The following IL1R1 variants were observed in gnomAD, a reference collection of about 807,000 sequenced individuals.
IL1R1 encodes interleukin-1 receptor type 1.
In IL1R1, 22 loss-of-function variants were observed where a neutral mutation model predicts 50.2. That is an observed-to-expected ratio of 0.44 (90% CI 0.31 to 0.63). The LOEUF (loss-of-function observed/expected upper bound fraction) is 0.63, where lower values mean the gene tolerates loss of function less well. Ranked by LOEUF, IL1R1 falls within the 20% of genes least tolerant of loss-of-function variation. The pLI is 0.07. For synonymous variants in IL1R1, 251 were observed against 236.7 expected, an observed-to-expected ratio of 1.06 and a Z score of -0.55; for missense variants, 509 against 676.2, an observed-to-expected ratio of 0.75 and a Z score of 2.74.
chr2:102,112,886 G>T (rs904740202), intron 1 of IL1R1, among the ~76,000 whole-genome samples: 1 of 152,158 alleles, frequency 6.6e-6, no homozygotes, highest in East Asian at 1.9e-4. Context: ...AGGTCATGAG[G>T]GTGGAGCCCT....
intron 1 of IL1R1, among the ~76,000 whole-genome samples, chr2:102,151,665 G>A (rs927699991): frequency 5.3e-5 from 8 of 152,334 alleles, no homozygotes; most frequent in East Asian, 3.9e-4. Context: ...AAGGCACCTC[G>A]GTGCATTGCA....
chr2:102,162,372 A>T (rs1312665644), intron 3 of IL1R1, among the ~76,000 whole-genome samples: 1 of 152,060 alleles, frequency 6.6e-6, no homozygotes, highest in Non-Finnish European at 1.5e-5. Context: ...TTTCAATGAG[A>T]GTGTTTAGAC....
chr2:102,164,821 A>T lies in IL1R1; in HGVS notation c.109A>T (p.Asn37Tyr). 1 of 1,614,088 alleles carries T rather than the reference A, an allele frequency of 6.2e-7. No individual in the cohort carries two copies. The highest frequency in any genetic ancestry group is 8.5e-7 in the Non-Finnish European group (1 of 1,179,982). Residue 37 changes from asparagine to tyrosine, a missense_variant, in exon 4 of 12, where the codon AAT becomes TAT. By Grantham distance (143) the Asn-to-Tyr change is moderately radical (BLOSUM62 -2). Coordinates refer to ENST00000410023, the MANE Select transcript of IL1R1 (RefSeq NM_000877.4). ...EEKIILVSSA[N>Y]EIDVRPCPLN... ...AAAAATAATTTTAGTGTCATCTGCAAATGAAATTGATGTTCGTCCCTGTCC... is the reference window on the plus strand; with the variant it reads ...AAAAATAATTTTAGTGTCATCTGCATATGAAATTGATGTTCGTCCCTGTCC...
intron 1 of IL1R1, among the ~76,000 whole-genome samples, chr2:102,112,507 A>T (rs886726092): frequency 6.6e-6 from 1 of 152,120 alleles, no homozygotes; most frequent in East Asian, 1.9e-4. Context: ...CTCCCAGTCC[A>T]GGGAAAGGAG....
intron 1 of IL1R1, among the ~76,000 whole-genome samples, chr2:102,111,414 T>G (rs754079196): frequency 7.0e-4 from 106 of 152,146 alleles, no homozygotes; most frequent in Non-Finnish European, 1.3e-3. Flanking sequence ...GTGGAGACAT[T>G]TTACAAAAAT....
chr2:102,078,241 A>G (rs1008517704), intron 1 of IL1R1, among the ~76,000 whole-genome samples: 2 of 151,956 alleles, frequency 1.3e-5, no homozygotes, highest in African/African-American at 4.8e-5. Context: ...TGGGGAATAG[A>G]AAAAAATAGA....
chr2:102,123,588 C>T (rs571548861), intron 1 of IL1R1, among the ~76,000 whole-genome samples: 1 of 152,152 alleles, frequency 6.6e-6, no homozygotes, highest in South Asian at 2.1e-4. Flanking sequence ...CCAGCCTGGC[C>T]AACATGGCGA....
At chr2:102,133,243 C>CA (rs70946673) in intron 1 of IL1R1, among the ~76,000 whole-genome samples, 21,956 of 116,792 alleles carry the variant, frequency 0.19, 3,214 homozygotes, top group African/African-American at 0.41. Flanking sequence ...GACTCTGTCT[C>CA]AAAAAAAAAA....
intron 1 of IL1R1, among the ~76,000 whole-genome samples, chr2:102,096,931 G>T (rs1679930665): frequency 6.7e-6 from 1 of 148,240 alleles, no homozygotes. Context: ...TGTTTCCTCA[G>T]CATATGCTTT....
upstream of IL1R1, among the ~76,000 whole-genome samples, chr2:102,101,550 T>C (rs1490025914): frequency 6.6e-6 from 1 of 152,220 alleles, no homozygotes; most frequent in Non-Finnish European, 1.5e-5. Flanking sequence ...TGTACGTGCT[T>C]CTTCCTATTC....
At chr2:102,115,542 G>A (rs1409126237) in intron 1 of IL1R1, among the ~76,000 whole-genome samples, 1 of 152,178 alleles carries the variant, frequency 6.6e-6, no homozygotes, top group Non-Finnish European at 1.5e-5. Context: ...GAGAACTCAA[G>A]CAATGCAAAG....
intron 1 of IL1R1, among the ~76,000 whole-genome samples, chr2:102,126,697 C>A (rs537205824): frequency 4.7e-4 from 72 of 151,738 alleles, no homozygotes; most frequent in Non-Finnish European, 9.0e-4. Context: ...GCACACCCAA[C>A]CAAAAATACT....
chr2:102,102,892 A>G (rs886458469), upstream of IL1R1, among the ~76,000 whole-genome samples: 16 of 152,198 alleles, frequency 1.1e-4, no homozygotes, highest in Non-Finnish European at 2.4e-4. Flanking sequence ...GAACTAACAC[A>G]GAAACAGAAA....
chr2:102,127,120 C>G (rs1255681821), intron 1 of IL1R1, among the ~76,000 whole-genome samples: 1 of 152,164 alleles, frequency 6.6e-6, no homozygotes, highest in Non-Finnish European at 1.5e-5. Flanking sequence ...CATGTTCAGG[C>G]CCCCGGCTTT....
chr2:102,077,279 C>A (rs994924829), intron 1 of IL1R1, among the ~76,000 whole-genome samples: 1 of 152,142 alleles, frequency 6.6e-6, no homozygotes, highest in Non-Finnish European at 1.5e-5. Flanking sequence ...CCATTTTGGC[C>A]AGGCTGGTCT....
chr2:102,100,343 G>T (rs1412452716), upstream of IL1R1, among the ~76,000 whole-genome samples: 2 of 152,120 alleles, frequency 1.3e-5, no homozygotes, highest in Non-Finnish European at 2.9e-5. Flanking sequence ...GGGAGGAGAG[G>T]TCAGCTCCAC....
intron 1 of IL1R1, among the ~76,000 whole-genome samples, chr2:102,077,821 C>A (rs1346562124): frequency 1.3e-5 from 2 of 151,992 alleles, no homozygotes; most frequent in Non-Finnish European, 2.9e-5. Flanking sequence ...TATGTGAAGA[C>A]ATAAAACAAT....
intron 1 of IL1R1, among the ~76,000 whole-genome samples, chr2:102,152,985 G>C (rs1443870487): frequency 8.3e-6 from 1 of 120,726 alleles, no homozygotes; most frequent in African/African-American, 2.7e-5. Flanking sequence ...AAATGATTCA[G>C]ACAAAAAAAA....
chr2:102,176,342 C>A lies in IL1R1; in HGVS notation c.1304-11C>A, dbSNP rs780891370. 6.2e-7 allele frequency: 1 copy of A among 1,610,454 alleles called. No homozygotes were observed. The highest frequency in any genetic ancestry group is 1.1e-5 in the South Asian group (1 of 90,542). ...AATTTTACTTACTATATTGTGCTTC[C>A]TGTTTTTCAGACATTGTTGAGGTCA... is the stretch of plus-strand genomic sequence containing the variant. On this transcript the variant is annotated splice_polypyrimidine_tract_variant and intron_variant, in intron 11 of 11. Coordinates refer to ENST00000410023, the MANE Select transcript of IL1R1 (RefSeq NM_000877.4).
Sources: gnomAD v4.1 joint callset for allele counts (sites outside exome capture counted in the v4.1 genomes callset) on GRCh38, gnomAD v4.1.1 for gene constraint, MANE v1.5 for transcripts, NCBI Gene and HGNC (gene_info 2026-07-23, HGNC 2026-07-21) for gene names.